P2RX6: variants seen among roughly 807,000 people sequenced by gnomAD.
P2RX6 encodes P2X purinoceptor 6.
A neutral mutation model predicts 54.2 loss-of-function variants in P2RX6; 62 were observed. The ratio of observed to expected loss-of-function variants is 1.14; its 90% confidence interval spans 0.93 to 1.41. The LOEUF (loss-of-function observed/expected upper bound fraction) is 1.41, where lower values mean the gene tolerates loss of function less well. Ranked by LOEUF, P2RX6 falls within the 40% of genes most tolerant of loss-of-function variation. P2RX6 has a pLI of 0.00. For missense variants in P2RX6, 541 were observed against 566.3 expected, an observed-to-expected ratio of 0.96 and a Z score of 0.45; for synonymous variants, 211 against 231.9, an observed-to-expected ratio of 0.91 and a Z score of 0.82.
At position 21,026,680 on chromosome 22, in the gene P2RX6, GGAT is replaced by G; in HGVS notation, c.*66_*68del. On this transcript the variant is annotated 3_prime_UTR_variant, in exon 12 of 12. Transcript: ENST00000413302. This position sits in a 1 kb window ranked among gnomAD's most constrained non-coding sequence, Gnocchi z 4.0. ...GCGGGGCCCTGCCTGGGGATCTCAA[GGAT>G]GAGGCCCCAGCATGGAGGATTGGGG... The G allele has an allele frequency of 6.6e-7, 1 of 1,520,750 alleles. No homozygotes were observed. Among genetic ancestry groups the G allele is most frequent in the Non-Finnish European group, 8.9e-7 (1 of 1,129,892 alleles). 94.2% of individuals were successfully genotyped at this position (1,520,750 alleles called of 1,614,324 possible).
At chr22:21,012,381 C>A (rs1482620401), upstream of P2RX6, 2 of 322,136 alleles carry the variant, frequency 6.2e-6, no homozygotes, top group Non-Finnish European at 1.2e-5. Flanking sequence ...ACCCCACATA[C>A]CCCCTCCTGT....
chr22:21,019,132 A>T (rs1926926619), intron 3 of P2RX6, among the ~76,000 whole-genome samples: 1 of 152,182 alleles, frequency 6.6e-6, no homozygotes, highest in African/African-American at 2.4e-5. Context: ...CTCAGGACAT[A>T]GTCCTGAAAG....
Position 21,026,410 on chromosome 22 carries a change from T to C in P2RX6, c.1129-10T>C, listed in dbSNP as rs1243448517. 6.3e-7 allele frequency: 1 copy of C among 1,595,728 alleles called. No homozygotes were observed. The highest frequency in any genetic ancestry group is 8.5e-7 in the Non-Finnish European group (1 of 1,171,494). On this transcript the variant is annotated splice_polypyrimidine_tract_variant and intron_variant, in intron 11 of 11. Coordinates refer to ENST00000413302, the MANE Select transcript of P2RX6 (RefSeq NM_005446.5). This position sits in a 1 kb window ranked among gnomAD's most constrained non-coding sequence, Gnocchi z 4.0. ...TGGCTGGATCCCTGACCTGCTGTCC[T>C]CATCTGCAGGCCAAGGCCCCGAAAG...
upstream of P2RX6, chr22:21,014,261 C>G (rs1452697967): frequency 6.5e-6 from 1 of 152,948 alleles, no homozygotes; most frequent in East Asian, 1.9e-4. Flanking sequence ...GCGGAGACCG[C>G]TTGGCGCCTC....
upstream of P2RX6, among the ~76,000 whole-genome samples, chr22:21,011,801 CTG>C (rs1925750631): frequency 6.6e-6 from 1 of 152,188 alleles, no homozygotes; most frequent in Non-Finnish European, 1.5e-5. Context: ...CCACCAGCTT[CTG>C]TGTCAAGCGG....
At chr22:21,025,684 G>A (rs1209144257) in intron 8 of P2RX6, 121 bp from the exon 9 acceptor site, 6 of 690,080 alleles carry the variant, frequency 8.7e-6, no homozygotes, top group Non-Finnish European at 1.5e-5. Context: ...TGAGACCCAG[G>A]ACTCAGGCTT....
chr22:21,021,854 AAGG>A (rs375416838), intron 3 of P2RX6, among the ~76,000 whole-genome samples: 2 of 152,270 alleles, frequency 1.3e-5, no homozygotes, highest in African/African-American at 4.8e-5. Context: ...AGCGAGCAGG[AAGG>A]AGTAGCCTGT....
chr22:21,016,010 A>G lies in P2RX6; in HGVS notation c.233A>G (p.Lys78Arg), dbSNP rs770164910. The change falls in exon 2 of 12, where the codon AAA becomes AGA. Residue 78 changes from lysine (K) to arginine (R), a missense_variant. Coordinates refer to ENST00000413302, the MANE Select transcript of P2RX6 (RefSeq NM_005446.5). ...DLEPQFSIIT[K>R]LKGVSVTQIK... ...GAACCCCAGTTTTCCATCATCACCAAACTCAAAGGGGTTTCCGTCACTCAG... is the reference window on the plus strand; with the variant it reads ...GAACCCCAGTTTTCCATCATCACCAGACTCAAAGGGGTTTCCGTCACTCAG... 17 of 1,552,156 alleles carry G rather than the reference A, an allele frequency of 1.1e-5. No individual in the cohort carries two copies. The East Asian group carries it at 2.9e-4, about 27-fold the overall frequency.
chr22:21,025,758 TG>T, intron 8 of P2RX6, 46 bp from the exon 9 acceptor site: 2 of 1,424,882 alleles, frequency 1.4e-6, no homozygotes, highest in Non-Finnish European at 9.7e-7. Flanking sequence ...CAGCCCCACC[TG>T]GGGGTGGGCA....
Position 21,025,922 on chromosome 22 carries a change from C to T in P2RX6, c.984+24C>T, listed in dbSNP as rs370940436. ...AGGTAGGCACAGGTAGGGGTCAGGC[C>T]GGGGATGGGATGGGGCAGGCAGACA... On this transcript the variant is annotated intron_variant, in intron 9 of 11. Transcript: ENST00000413302. 2.4e-4 allele frequency: 380 copies of T among 1,579,644 alleles called. 2 individuals carry two copies. The South Asian group carries it at 3.3e-3, about 14-fold the overall frequency.
chr22:21,019,783 T>C (rs2541937), intron 3 of P2RX6, among the ~76,000 whole-genome samples: 59,228 of 152,182 alleles, frequency 0.39, 12,946 homozygotes, highest in Non-Finnish European at 0.51. Flanking sequence ...ATTGTTTCTA[T>C]AGATTATAGA....
intron 8 of P2RX6, among the ~76,000 whole-genome samples, chr22:21,024,275 C>T (rs975794985): frequency 6.7e-6 from 1 of 148,876 alleles, no homozygotes; most frequent in Non-Finnish European, 1.5e-5. Flanking sequence ...CCGCTTTTAC[C>T]TAAACTTTTT....
chr22:21,014,941 C>A (rs1481314791), upstream of P2RX6: 2 of 444,972 alleles, frequency 4.5e-6, no homozygotes, highest in Non-Finnish European at 7.8e-6. Context: ...GAAGTGAGGC[C>A]AGAGGGCAGG....
chr22:21,011,531 G>A, upstream of P2RX6: 1 of 714,396 alleles, frequency 1.4e-6, no homozygotes, highest in South Asian at 1.5e-5. Flanking sequence ...TTCACTGTGA[G>A]GGCGGCACAG....
At chr22:21,016,944 A>G (rs1224764257) in intron 2 of P2RX6, among the ~76,000 whole-genome samples, 5 of 152,132 alleles carry the variant, frequency 3.3e-5, no homozygotes, top group Admixed American at 2.0e-4. Flanking sequence ...CTCTCCTGGC[A>G]TGGCCTCTGT....
intron 3 of P2RX6, chr22:21,018,447 A>AC (rs1387397682): frequency 3.2e-6 from 1 of 311,084 alleles, no homozygotes; most frequent in East Asian, 8.0e-5. Flanking sequence ...AGAGCTGCGC[A>AC]CATGCTCAGG....
chr22:21,016,413 C>A (rs140681318), intron 2 of P2RX6, among the ~76,000 whole-genome samples: 4,322 of 152,018 alleles, frequency 0.028, 212 homozygotes, highest in African/African-American at 0.098. Flanking sequence ...CACGGTGAAA[C>A]CCCATCTCTA....
Position 21,023,766 on chromosome 22 carries a change from A to G in P2RX6, c.890+148A>G, listed in dbSNP as rs1039574648. On this transcript the variant is annotated intron_variant, in intron 8 of 11. Coordinates refer to ENST00000413302, the MANE Select transcript of P2RX6 (RefSeq NM_005446.5). ...CAGGAGCAGGAGAGAGCTGTTCTCAACCCCACATCCTCCAGCACAGGCTCC... is the reference window on the plus strand; with the variant it reads ...CAGGAGCAGGAGAGAGCTGTTCTCAGCCCCACATCCTCCAGCACAGGCTCC... 7.7e-6 allele frequency: 5 copies of G among 645,444 alleles called. No homozygotes were observed. The African/African-American group carries it at 9.1e-5, about 12-fold the overall frequency. 40.0% of individuals were successfully genotyped at this position (645,444 alleles called of 1,614,324 possible). A position where few individuals can be genotyped will look rare whatever the true frequency, so the allele number is the denominator to read the frequency against.
chr22:21,010,502 C>T (rs1045006573), upstream of P2RX6, among the ~76,000 whole-genome samples: 39 of 152,266 alleles, frequency 2.6e-4, no homozygotes, highest in Middle Eastern at 3.4e-3. Context: ...CAGATGAGAG[C>T]TTCTGAAATG....
Sources: allele counts gnomAD v4.1 joint callset (sites outside exome capture counted in the v4.1 genomes callset), GRCh38; gene constraint gnomAD v4.1.1; non-coding constraint Gnocchi (gnomAD v3.1); transcripts MANE v1.5; gene names NCBI Gene and HGNC (gene_info 2026-07-23, HGNC 2026-07-21).